The following SYN3 variants were observed in gnomAD, a reference collection of about 807,000 sequenced individuals.
SYN3 encodes the protein synapsin III.
A neutral mutation model predicts 65.8 loss-of-function variants in SYN3; 35 were observed. That is an observed-to-expected ratio of 0.53 (90% CI 0.41 to 0.70). The LOEUF is 0.70. Among genes scored for constraint, SYN3 ranks in the 30% least tolerant of loss-of-function variants. The pLI, the probability that SYN3 is intolerant of heterozygous loss-of-function variation, is 0.00. For synonymous variants in SYN3, 270 were observed against 292.9 expected (o/e 0.92, Z 0.80); for missense variants, 680 against 749.0 (o/e 0.91, Z 1.08).
At chr22:32,927,984 A>AAG (rs1251751780) in intron 4 of SYN3, among the ~76,000 whole-genome samples, 1 of 152,148 alleles carries the variant, frequency 6.6e-6, no homozygotes, top group Non-Finnish European at 1.5e-5. Context: ...TTAACTTACA[A>AAG]AGGGGCTGCA....
chr22:32,682,432 G>C (rs1313475926), intron 6 of SYN3, among the ~76,000 whole-genome samples: 1 of 152,168 alleles, frequency 6.6e-6, no homozygotes, highest in African/African-American at 2.4e-5. Flanking sequence ...ATAAGGGCAA[G>C]GGAGGAAGCA....
chr22:32,542,144 C>T (rs931679909), intron 7 of SYN3, among the ~76,000 whole-genome samples: 1 of 152,048 alleles, frequency 6.6e-6, no homozygotes, highest in East Asian at 1.9e-4. Flanking sequence ...GGATTTTTAG[C>T]CTGAATTTTC....
rs114910745 is a variant in SYN3, at chr22:32,532,980, G to T, written c.1095+813C>A. Among the ~76,000 whole-genome samples, 1,130 of 151,960 alleles carry T rather than the reference G, an allele frequency of 7.4e-3. 12 individuals carry two copies. Among genetic ancestry groups the T allele is most frequent in the African/African-American group, 0.025 (1,024 of 41,408 alleles). On this transcript the variant is annotated intron_variant, in intron 10 of 13. Transcript: ENST00000358763. Reference sequence around the variant, plus strand: ...TGGAGAGCCATGGGACATGGAGTGGGGGGGCAGGGAAGAAGAGTTGGGGAG... The same window carrying T: ...TGGAGAGCCATGGGACATGGAGTGGTGGGGCAGGGAAGAAGAGTTGGGGAG...
chr22:32,972,410 T>C (rs903349215), intron 3 of SYN3, among the ~76,000 whole-genome samples: 1 of 152,100 alleles, frequency 6.6e-6, no homozygotes, highest in African/African-American at 2.4e-5. Context: ...GAGAAAGGCA[T>C]GTGTAGATGC....
chr22:32,757,095 G>A (rs1158033695), intron 6 of SYN3, among the ~76,000 whole-genome samples: 2 of 150,678 alleles, frequency 1.3e-5, no homozygotes, highest in African/African-American at 4.9e-5. Context: ...AATATTGAAA[G>A]TGCTTCCTGC....
chr22:32,618,766 G>A (rs577759123), intron 6 of SYN3, among the ~76,000 whole-genome samples: 1 of 152,280 alleles, frequency 6.6e-6, no homozygotes, highest in African/African-American at 2.4e-5. Context: ...ACAGCCCAAG[G>A]TCTCAGCAGG....
At chr22:32,980,767 C>T in intron 2 of SYN3, 65 bp from the exon 3 acceptor site, 1 of 1,478,454 alleles carries the variant, frequency 6.8e-7, no homozygotes, top group East Asian at 2.3e-5. Flanking sequence ...TCCCTTCTCC[C>T]AAAGGCCTTA....
chr22:33,011,163 G>A (rs2053342498), intron 1 of SYN3, among the ~76,000 whole-genome samples: 2 of 152,094 alleles, frequency 1.3e-5, no homozygotes, highest in Admixed American at 1.3e-4. Context: ...AATCTTAGGG[G>A]GGAAACACTC....
chr22:32,917,847 T>C (rs1384831440), intron 4 of SYN3, among the ~76,000 whole-genome samples: 1 of 152,264 alleles, frequency 6.6e-6, no homozygotes, highest in Non-Finnish European at 1.5e-5. Flanking sequence ...TGCCTCTTTC[T>C]TGTGCTGCTC....
At chr22:32,798,684 T>TC (rs1023173794) in intron 6 of SYN3, among the ~76,000 whole-genome samples, 35 of 139,690 alleles carry the variant, frequency 2.5e-4, no homozygotes, top group African/African-American at 9.5e-4. Context: ...GCATCTTCAT[T>TC]CTTTTTTTTT....
chr22:33,012,165 T>A (rs941589023), intron 1 of SYN3, among the ~76,000 whole-genome samples: 2 of 152,212 alleles, frequency 1.3e-5, no homozygotes, highest in African/African-American at 4.8e-5. Flanking sequence ...TTTTCCCCAA[T>A]ATAAGTATTT....
intron 6 of SYN3, among the ~76,000 whole-genome samples, chr22:32,659,068 T>G (rs1239890856): frequency 6.6e-6 from 1 of 152,052 alleles, no homozygotes; most frequent in African/African-American, 2.4e-5. Context: ...AAGGTCACAA[T>G]GAGAGCAAGT....
chr22:32,636,294 C>G (rs2059814308), intron 6 of SYN3, among the ~76,000 whole-genome samples: 1 of 151,446 alleles, frequency 6.6e-6, no homozygotes, highest in African/African-American at 2.4e-5. Flanking sequence ...CCCAGCTACT[C>G]TGGAAGCCGA....
chr22:32,759,858 C>G (rs913908047), intron 6 of SYN3, among the ~76,000 whole-genome samples: 1 of 88,616 alleles, frequency 1.1e-5, no homozygotes, highest in Non-Finnish European at 2.3e-5. Flanking sequence ...CCAGCCAGTA[C>G]CCACCCACCC....
chr22:32,761,256 G>T (rs1477240835), intron 6 of SYN3, among the ~76,000 whole-genome samples: 1 of 152,196 alleles, frequency 6.6e-6, no homozygotes, highest in Admixed American at 6.5e-5. Flanking sequence ...CAAGTTGAGG[G>T]GATTGGACTA....
intron 6 of SYN3, among the ~76,000 whole-genome samples, chr22:32,709,028 C>G (rs539361057): frequency 1.3e-5 from 2 of 152,314 alleles, no homozygotes; most frequent in East Asian, 3.9e-4. Context: ...TGTCTTGCAG[C>G]AGCAAGCAGA....
chr22:32,997,397 G>A lies in SYN3; in HGVS notation c.311+8955C>T, dbSNP rs185771219. ...ACCAACACTCTTCAGCATCTATCTC[G>A]TGCCACACACTGAAGCAGTAGCAGT... On this transcript the variant is annotated intron_variant, in intron 2 of 13. Coordinates refer to ENST00000358763, the MANE Select transcript of SYN3 (RefSeq NM_003490.4). 8.1e-4 allele frequency among the ~76,000 whole-genome samples: 124 copies of A among 152,224 alleles called. 1 individual carries two copies. Among genetic ancestry groups the A allele is most frequent in the Non-Finnish European group, 1.1e-3 (75 of 68,028 alleles).
intron 4 of SYN3, among the ~76,000 whole-genome samples, chr22:32,914,768 T>C (rs538358406): frequency 5.3e-5 from 8 of 152,122 alleles, no homozygotes; most frequent in Non-Finnish European, 7.4e-5. Flanking sequence ...GAGGATTAAG[T>C]TGGAAAATGC....
Position 32,672,661 on chromosome 22 carries a change from A to T in SYN3, c.712-75925T>A, listed in dbSNP as rs2060387057. On this transcript the variant is annotated intron_variant, in intron 6 of 13. Transcript: ENST00000358763. ...CCAAGCACAAAGCCACGCTGTCTTGAGCTGGCACCTTCCTGCGTGGGAACC... is the reference window on the plus strand; with the variant it reads ...CCAAGCACAAAGCCACGCTGTCTTGTGCTGGCACCTTCCTGCGTGGGAACC... Among the ~76,000 whole-genome samples, 5 of 152,304 alleles carry T rather than the reference A, an allele frequency of 3.3e-5. 1 individual carries two copies. The South Asian group carries it at 1.0e-3, about 32-fold the overall frequency.
Sources: gnomAD v4.1 joint callset for allele counts (sites outside exome capture counted in the v4.1 genomes callset) on GRCh38, gnomAD v4.1.1 for gene constraint, MANE v1.5 for transcripts, NCBI Gene and HGNC (gene_info 2026-07-23, HGNC 2026-07-21) for gene names.